TBC1D5: variants seen among roughly 807,000 people sequenced by gnomAD.
TBC1D5 encodes the protein TBC1 domain family member 5, also known as TBC1 domain family, member 5.
TBC1D5 carries 75 observed loss-of-function variants against 100.3 expected under a neutral mutation model. The observed-to-expected ratio is 0.75, with a 90% CI of 0.62 to 0.91. TBC1D5 has a LOEUF of 0.91. TBC1D5 is among the 40% of genes least tolerant of loss of function. The pLI, the probability that TBC1D5 is intolerant of heterozygous loss-of-function variation, is 0.00. For synonymous variants in TBC1D5, 323 were observed against 325.6 expected, an observed-to-expected ratio of 0.99 and a Z score of 0.09; for missense variants, 910 against 942.4, an observed-to-expected ratio of 0.97 and a Z score of 0.45.
rs1056788068 is a variant in TBC1D5, at chr3:17,249,595, C to T, written c.1331+8911G>A. ...GTTCACACGAGTAAAACTCCCTGAG[C>T]CCTCCCTAGAAGTCCAGCAGATGGT... On this transcript the variant is annotated intron_variant, in intron 16 of 21. Coordinates refer to ENST00000253692, the Ensembl canonical transcript of TBC1D5. Among the ~76,000 whole-genome samples the T allele has an allele frequency of 7.2e-5, 11 of 152,288 alleles. No homozygotes were observed. The East Asian group carries it at 2.1e-3, about 29-fold the overall frequency.
At chr3:17,257,828 G>T (rs1199959584) in intron 16 of TBC1D5, among the ~76,000 whole-genome samples, 3 of 152,042 alleles carry the variant, frequency 2.0e-5, no homozygotes, top group South Asian at 2.1e-4. Context: ...AAGAAAATTC[G>T]GACAACTTGG....
At chr3:17,535,292 T>A (rs189675016) in intron 2 of TBC1D5, among the ~76,000 whole-genome samples, 99 of 152,288 alleles carry the variant, frequency 6.5e-4, no homozygotes, top group African/African-American at 2.2e-3. Context: ...TTTATTCAAG[T>A]GTTTCTCCAT....
At chr3:17,616,300 A>C (rs963084586) in intron 2 of TBC1D5, among the ~76,000 whole-genome samples, 1 of 152,216 alleles carries the variant, frequency 6.6e-6, no homozygotes, top group Admixed American at 6.5e-5. Context: ...GGAGTGCTTT[A>C]CTTCCAATTA....
intron 1 of TBC1D5, among the ~76,000 whole-genome samples, chr3:17,694,239 A>AGT (rs2071636993): frequency 6.6e-6 from 1 of 152,326 alleles, no homozygotes; most frequent in South Asian, 2.1e-4. Context: ...CTGTACAGAG[A>AGT]ACGACTTTGA....
chr3:17,475,185 C>G (rs1337671502), intron 3 of TBC1D5, among the ~76,000 whole-genome samples: 3 of 148,484 alleles, frequency 2.0e-5, no homozygotes, highest in African/African-American at 7.7e-5. Context: ...CCCCGCCCCA[C>G]CCGTTTATAT....
chr3:17,247,621 G>C (rs2076846094), intron 16 of TBC1D5, among the ~76,000 whole-genome samples: 2 of 152,060 alleles, frequency 1.3e-5, no homozygotes, highest in Admixed American at 6.6e-5. Flanking sequence ...CAACAATGAA[G>C]TTGGCCACAC....
intron 1 of TBC1D5, among the ~76,000 whole-genome samples, chr3:17,639,524 G>A (rs1217293311): frequency 1.3e-5 from 2 of 151,032 alleles, no homozygotes; most frequent in African/African-American, 2.4e-5. Context: ...CCTTTTGCAC[G>A]AGCACAAACT....
chr3:17,732,218 T>C (rs532044544), intron 1 of TBC1D5, among the ~76,000 whole-genome samples: 5 of 152,114 alleles, frequency 3.3e-5, no homozygotes, highest in African/African-American at 1.2e-4. Flanking sequence ...CCCAGGAGGC[T>C]GAGGCAGGAG....
intron 18 of TBC1D5, among the ~76,000 whole-genome samples, chr3:17,190,936 G>C (rs1056739588): frequency 5.9e-5 from 9 of 152,208 alleles, no homozygotes; most frequent in African/African-American, 2.2e-4. Context: ...GAAACGGAAA[G>C]TCTCAAGGAG....
chr3:17,732,059 T>G (rs1200369347), intron 1 of TBC1D5, among the ~76,000 whole-genome samples: 2 of 152,174 alleles, frequency 1.3e-5, no homozygotes, highest in African/African-American at 2.4e-5. Flanking sequence ...GGTTCACACC[T>G]GTAATCCCAG....
At chr3:17,355,681 A>ATATTT (rs2091148715) in intron 13 of TBC1D5, among the ~76,000 whole-genome samples, 1 of 152,122 alleles carries the variant, frequency 6.6e-6, no homozygotes, top group Admixed American at 6.6e-5. Flanking sequence ...TATACATGAA[A>ATATTT]TGAATCATTC....
intron 13 of TBC1D5, among the ~76,000 whole-genome samples, chr3:17,318,274 A>G (rs1344888655): frequency 6.6e-6 from 1 of 151,252 alleles, no homozygotes; most frequent in East Asian, 2.0e-4. Context: ...TATACCTAAT[A>G]CTAAATGACG....
At chr3:17,635,551 A>G (rs1227611496) in intron 1 of TBC1D5, among the ~76,000 whole-genome samples, 2 of 152,050 alleles carry the variant, frequency 1.3e-5, no homozygotes, top group Non-Finnish European at 2.9e-5. Context: ...ATGGTGGCAC[A>G]TGGCTGTAAT....
At chr3:17,496,072 C>T (rs1274117292) in intron 3 of TBC1D5, among the ~76,000 whole-genome samples, 1 of 152,192 alleles carries the variant, frequency 6.6e-6, no homozygotes, top group Non-Finnish European at 1.5e-5. Context: ...CATCACTTTA[C>T]AGCTAACAGC....
At chr3:17,461,582 G>A (rs183133920) in intron 3 of TBC1D5, among the ~76,000 whole-genome samples, 13 of 152,234 alleles carry the variant, frequency 8.5e-5, no homozygotes, top group African/African-American at 2.4e-4. Flanking sequence ...GTTTGCCAAG[G>A]AGGCAGAGAT....
chr3:17,345,325 A>C (rs1385812373), intron 13 of TBC1D5, among the ~76,000 whole-genome samples: 1 of 152,248 alleles, frequency 6.6e-6, no homozygotes, highest in Non-Finnish European at 1.5e-5. Context: ...AAAAATGCTC[A>C]TCATCACTGG....
chr3:17,407,394 T>A (rs1453065673), intron 4 of TBC1D5, among the ~76,000 whole-genome samples: 1 of 152,178 alleles, frequency 6.6e-6, no homozygotes, highest in Non-Finnish European at 1.5e-5. Flanking sequence ...ATTAGCTTTA[T>A]GAAATTTCTC....
intron 2 of TBC1D5, among the ~76,000 whole-genome samples, chr3:17,523,069 T>C (rs2096080527): frequency 1.4e-5 from 2 of 143,964 alleles, no homozygotes; most frequent in South Asian, 4.3e-4. Context: ...GCTTACTAAA[T>C]GCTAGACACT....
chr3:17,666,535 C>T (rs527789512), intron 1 of TBC1D5, among the ~76,000 whole-genome samples: 33 of 152,190 alleles, frequency 2.2e-4, no homozygotes, highest in African/African-American at 7.9e-4. Context: ...TTTAGAACTG[C>T]AATATTGTAT....
Sources: gnomAD v4.1 joint callset for allele counts (sites outside exome capture counted in the v4.1 genomes callset) on GRCh38, gnomAD v4.1.1 for gene constraint, MANE v1.5 for transcripts, NCBI Gene and HGNC (gene_info 2026-07-23, HGNC 2026-07-21) for gene names.